PTPRR: variants seen among roughly 807,000 people sequenced by gnomAD.
The protein encoded by PTPRR is protein tyrosine phosphatase receptor type R.
PTPRR carries 38 observed loss-of-function variants against 77.2 expected under a neutral mutation model. That is an observed-to-expected ratio of 0.49 (90% confidence interval 0.38 to 0.65). PTPRR has a LOEUF of 0.65. Among genes scored for constraint, PTPRR ranks in the 30% least tolerant of loss-of-function variants. The pLI, the probability that PTPRR is intolerant of heterozygous loss-of-function variation, is 0.00. For synonymous variants in PTPRR, 299 were observed against 283.1 expected (o/e 1.06, Z -0.57); for missense variants, 744 against 799.2 (o/e 0.93, Z 0.83).
chr12:70,760,733 T>C (rs1361527754), intron 4 of PTPRR, among the ~76,000 whole-genome samples: 1 of 152,220 alleles, frequency 6.6e-6, no homozygotes, highest in Non-Finnish European at 1.5e-5. Flanking sequence ...ATACTTTCTG[T>C]ATCTACAAGG....
intron 10 of PTPRR, chr12:70,671,806 C>T: frequency 1.8e-6 from 1 of 550,612 alleles, no homozygotes; most frequent in Non-Finnish European, 3.3e-6. Context: ...CATGCAGTTC[C>T]CCGGCTAGCT....
In PTPRR at chr12:70,886,691, G is replaced by A. The variant is rs185935570; in HGVS notation, c.357+5988C>T. Among the ~76,000 whole-genome samples, 76 of 152,192 alleles carry A rather than the reference G, an allele frequency of 5.0e-4. 2 individuals are homozygous for A. The highest frequency in any genetic ancestry group is 1.7e-3 in the South Asian group (8 of 4,818). ...AATGTAAAACGAGATCATATAATGG[G>A]TAATTAAGTGTTAAAATTGCATATT... On this transcript the variant is annotated intron_variant, in intron 2 of 13. Coordinates refer to ENST00000283228, the MANE Select transcript of PTPRR (RefSeq NM_002849.4).
chr12:70,910,409 CTAAAAGG>C (rs1052805040), intron 1 of PTPRR, among the ~76,000 whole-genome samples: 3 of 152,020 alleles, frequency 2.0e-5, no homozygotes. Flanking sequence ...TTTTTCAATC[CTAAAAGG>C]TAAGGCAATT....
chr12:70,883,663 G>GT (rs1343219782), intron 2 of PTPRR, among the ~76,000 whole-genome samples: 2 of 152,106 alleles, frequency 1.3e-5, no homozygotes, highest in African/African-American at 4.8e-5. Context: ...AGTAGAAACC[G>GT]TGTTACTTTA....
In PTPRR at chr12:70,638,197, T is replaced by C. The variant is rs1885827196; in HGVS notation, c.*987A>G. On this transcript the variant is annotated 3_prime_UTR_variant, in exon 14 of 14. Transcript: ENST00000283228. Reference sequence around the variant, plus strand: ...GGTAGTTATTTTAATTTTTTTTGTCTCTTGAAGATTGAAAGCTTTCAGAAA... The same window carrying C: ...GGTAGTTATTTTAATTTTTTTTGTCCCTTGAAGATTGAAAGCTTTCAGAAA... 6.6e-6 allele frequency: 1 copy of C among 152,562 alleles called. No homozygotes were observed. The highest frequency in any genetic ancestry group is 2.1e-4 in the South Asian group (1 of 4,826). The allele number at this position is 152,562 out of a possible 1,614,324, so 9.5% of individuals were successfully genotyped here.
chr12:70,766,943 A>C (rs1042978708), intron 2 of PTPRR, among the ~76,000 whole-genome samples: 1 of 152,136 alleles, frequency 6.6e-6, no homozygotes, highest in Admixed American at 6.6e-5. Context: ...GAAATAAAAT[A>C]CTTTACAGAC....
intron 2 of PTPRR, among the ~76,000 whole-genome samples, chr12:70,853,589 G>A (rs900530264): frequency 2.6e-5 from 4 of 152,096 alleles, no homozygotes; most frequent in Non-Finnish European, 5.9e-5. Flanking sequence ...TCTTGGTCTC[G>A]GACTTGATAT....
At chr12:70,782,722 G>GTT (rs1891230631) in intron 2 of PTPRR, among the ~76,000 whole-genome samples, 2 of 152,072 alleles carry the variant, frequency 1.3e-5, no homozygotes, top group East Asian at 3.9e-4. Flanking sequence ...AGCATTAGGA[G>GTT]ACACACCTAA....
intron 8 of PTPRR, among the ~76,000 whole-genome samples, chr12:70,689,782 A>G (rs958373340): frequency 6.6e-6 from 1 of 152,174 alleles, no homozygotes; most frequent in Non-Finnish European, 1.5e-5. Flanking sequence ...TTTTGCTGTC[A>G]ATAGCTGGAG....
At chr12:70,758,075 C>T (rs983562713) in intron 4 of PTPRR, among the ~76,000 whole-genome samples, 1 of 152,118 alleles carries the variant, frequency 6.6e-6, no homozygotes, top group Admixed American at 6.5e-5. Context: ...AATGCCTGGC[C>T]CCTTCTAGGA....
At chr12:70,699,955 G>A (rs1236531482) in intron 7 of PTPRR, among the ~76,000 whole-genome samples, 1 of 152,042 alleles carries the variant, frequency 6.6e-6, no homozygotes, top group Non-Finnish European at 1.5e-5. Flanking sequence ...CAGGAAAGTG[G>A]GCTATGGTAA....
rs756758688 is a variant in PTPRR at position 70,892,963 on chromosome 12, T to C, written c.73A>G (p.Asn25Asp). Residue 25 changes from asparagine to aspartate, a missense_variant, in exon 2 of 14, where the codon AAC (asparagine) becomes GAC (aspartate). Transcript: ENST00000283228. ...NLHAAGCFSGNNDHFLAINQK... is the reference protein window; with the variant it reads ...NLHAAGCFSGDNDHFLAINQK... ...TTAATTGCCAAAAAATGATCATTGTTTCCTGAAAAGCACCCTGAAAGAGGG... is the reference window on the plus strand; with the variant it reads ...TTAATTGCCAAAAAATGATCATTGTCTCCTGAAAAGCACCCTGAAAGAGGG... The C allele has an allele frequency of 1.7e-5, 28 of 1,612,630 alleles. No individual in the cohort carries two copies. Among genetic ancestry groups the C allele is most frequent in the Non-Finnish European group, 2.1e-5 (25 of 1,179,108 alleles).
intron 10 of PTPRR, among the ~76,000 whole-genome samples, chr12:70,679,530 T>C (rs1592665309): frequency 1.3e-5 from 2 of 152,318 alleles, no homozygotes; most frequent in African/African-American, 4.8e-5. Flanking sequence ...TCTATTTCTT[T>C]CTTTAATCTA....
intron 2 of PTPRR, among the ~76,000 whole-genome samples, chr12:70,873,801 C>T (rs1893002063): frequency 6.6e-6 from 1 of 152,056 alleles, no homozygotes; most frequent in Non-Finnish European, 1.5e-5. Context: ...AGAGAAAATA[C>T]ATGTTTCCAC....
chr12:70,723,689 G>C (rs1176696261), intron 6 of PTPRR, among the ~76,000 whole-genome samples: 5 of 152,068 alleles, frequency 3.3e-5, no homozygotes, highest in Non-Finnish European at 7.4e-5. Context: ...ACCAACCAAA[G>C]CATCAACAAA....
rs1890465541 is a variant in PTPRR at position 70,753,408 on chromosome 12, GA to G, written c.738+782del. On this transcript the variant is annotated intron_variant, in intron 5 of 13. Coordinates refer to ENST00000283228, the MANE Select transcript of PTPRR (RefSeq NM_002849.4). ...AATTAAAAAGAACATAGCTCACAGG[GA>G]AAAAGGACATTAAAACCTATTTGTA... 2.0e-5 allele frequency among the ~76,000 whole-genome samples: 3 copies of G among 151,994 alleles called. No homozygotes were observed. The South Asian group carries it at 6.2e-4, about 32-fold the overall frequency.
Position 70,736,527 on chromosome 12 carries a change from A to T in PTPRR, c.1007+9291T>A, listed in dbSNP as rs551701488. On this transcript the variant is annotated intron_variant, in intron 6 of 13. Transcript: ENST00000283228. ...TCGCATTCTATTTGTCACCCTCACAATCCTACTGACTTACTATTAAGTTAT... is the reference window on the plus strand; with the variant it reads ...TCGCATTCTATTTGTCACCCTCACATTCCTACTGACTTACTATTAAGTTAT... 2.0e-5 allele frequency among the ~76,000 whole-genome samples: 3 copies of T among 152,118 alleles called. No homozygotes were observed. In the East Asian group the frequency reaches 5.8e-4, roughly 29 times the overall value.
chr12:70,735,864 C>T (rs1373956176), intron 6 of PTPRR, among the ~76,000 whole-genome samples: 1 of 152,102 alleles, frequency 6.6e-6, no homozygotes, highest in Non-Finnish European at 1.5e-5. Context: ...GGTTAGTGTC[C>T]AACCCATCAG....
chr12:70,872,694 CAAAAAAAAAAAAA>C (rs377557224), intron 2 of PTPRR, among the ~76,000 whole-genome samples: 12 of 43,448 alleles, frequency 2.8e-4, no homozygotes, highest in East Asian at 2.6e-3. Flanking sequence ...GACTCTGTCT[CAAAAAAAAAAAAA>C]AAAAAAAAAA....
Sources: gnomAD v4.1 joint callset for allele counts (sites outside exome capture counted in the v4.1 genomes callset) on GRCh38, gnomAD v4.1.1 for gene constraint, MANE v1.5 for transcripts, NCBI Gene and HGNC (gene_info 2026-07-23, HGNC 2026-07-21) for gene names.